Variants in DOK6 observed in about 807,000 individuals in gnomAD.
DOK6 encodes docking protein 6.
In DOK6, 22 loss-of-function variants were observed where a neutral mutation model predicts 44.0. The ratio of observed to expected loss-of-function variants is 0.50; its 90% CI spans 0.36 to 0.71. The LOEUF is 0.71. Ranked by LOEUF, DOK6 falls within the 30% of genes least tolerant of loss-of-function variation. The probability of loss-of-function intolerance (pLI) is 0.00; values close to 1 mark genes in which losing one functional copy is unlikely to be tolerated. For missense variants in DOK6, 340 were observed against 416.4 expected, an observed-to-expected ratio of 0.82 and a Z score of 1.60; for synonymous variants, 166 against 145.5, an observed-to-expected ratio of 1.14 and a Z score of -1.01.
chr18:69,588,408 G>A (rs1297893747), intron 2 of DOK6, among the ~76,000 whole-genome samples: 2 of 152,132 alleles, frequency 1.3e-5, no homozygotes, highest in Non-Finnish European at 2.9e-5. Flanking sequence ...CCTTAGGATT[G>A]CCTCATCCTC....
chr18:69,506,898 C>T (rs866820352), intron 1 of DOK6, among the ~76,000 whole-genome samples: 19 of 151,390 alleles, frequency 1.3e-4, no homozygotes, highest in African/African-American at 4.6e-4. Flanking sequence ...CACATATGTA[C>T]ATATATACAC....
chr18:69,444,279 T>C (rs1375415682), intron 1 of DOK6, among the ~76,000 whole-genome samples: 1 of 152,168 alleles, frequency 6.6e-6, no homozygotes, highest in Non-Finnish European at 1.5e-5. Flanking sequence ...GCAATGTAGC[T>C]AAAGAAACTA....
At chr18:69,828,514 TG>T (rs1483375418) in intron 7 of DOK6, among the ~76,000 whole-genome samples, 15 of 150,858 alleles carry the variant, frequency 9.9e-5, no homozygotes, top group African/African-American at 3.4e-4. Context: ...CAGAAACAAA[TG>T]AATGCTACAT....
At chr18:69,456,528 A>G (rs1979639087) in intron 1 of DOK6, among the ~76,000 whole-genome samples, 1 of 151,990 alleles carries the variant, frequency 6.6e-6, no homozygotes, top group South Asian at 2.1e-4. Context: ...TATGTATCAT[A>G]TTTTCTTTAT....
At chr18:69,784,301 T>C (rs1206613075) in intron 7 of DOK6, among the ~76,000 whole-genome samples, 1 of 152,122 alleles carries the variant, frequency 6.6e-6, no homozygotes, top group Non-Finnish European at 1.5e-5. Context: ...ATAATAATAT[T>C]TGTATTCTAA....
At chr18:69,495,990 A>T (rs1321410791) in intron 1 of DOK6, among the ~76,000 whole-genome samples, 1 of 152,192 alleles carries the variant, frequency 6.6e-6, no homozygotes, top group Non-Finnish European at 1.5e-5. Flanking sequence ...GAAAGCAGAC[A>T]CTTCTGAAAC....
rs188760863 is a variant in DOK6 at position 69,832,392 on chromosome 18, G to A, written c.857-8852G>A. The A allele has an allele frequency of 2.0e-5, 3 of 152,230 alleles. No homozygotes were observed. In the East Asian group the frequency reaches 5.8e-4, roughly 29 times the overall value. The allele number at this position is 152,230 out of a possible 1,614,324, so 9.4% of individuals were successfully genotyped here. A position where few individuals can be genotyped will look rare whatever the true frequency, so the allele number is the denominator to read the frequency against. On this transcript the variant is annotated intron_variant, in intron 7 of 7. Coordinates refer to ENST00000382713, the MANE Select transcript of DOK6 (RefSeq NM_152721.6). ...AGGATGAATCCCACTTGATTAAGGT[G>A]AATGATCTCTTTAATGTGTTGTTTA...
chr18:69,689,982 TTGTG>T (rs1986229864), intron 4 of DOK6, among the ~76,000 whole-genome samples: 1 of 152,142 alleles, frequency 6.6e-6, no homozygotes, highest in African/African-American at 2.4e-5. Context: ...AGTATAATAA[TTGTG>T]TGTGAATATT....
chr18:69,802,208 T>TG (rs1179435554), intron 7 of DOK6, among the ~76,000 whole-genome samples: 1 of 152,140 alleles, frequency 6.6e-6, no homozygotes, highest in Non-Finnish European at 1.5e-5. Context: ...AAATGGTGTG[T>TG]TTTTTCTCCT....
intron 4 of DOK6, among the ~76,000 whole-genome samples, chr18:69,685,588 C>A (rs532626031): frequency 6.6e-6 from 1 of 152,168 alleles, no homozygotes; most frequent in East Asian, 1.9e-4. Flanking sequence ...CTCACCCACA[C>A]CTACAAAGTA....
At chr18:69,799,115 A>T (rs1893959) in intron 7 of DOK6, among the ~76,000 whole-genome samples, 18,992 of 152,012 alleles carry the variant, frequency 0.12, 1,766 homozygotes, top group African/African-American at 0.26. Flanking sequence ...CATTTTTGCT[A>T]TTATTATTAC....
chr18:69,495,126 G>C (rs1980845465), intron 1 of DOK6, among the ~76,000 whole-genome samples: 1 of 152,220 alleles, frequency 6.6e-6, no homozygotes, highest in Admixed American at 6.5e-5. Context: ...GCTGGACCAG[G>C]TTCACCACAG....
chr18:69,825,427 C>CTTTTTTT (rs34656265), intron 7 of DOK6, among the ~76,000 whole-genome samples: 2 of 82,988 alleles, frequency 2.4e-5, no homozygotes, highest in African/African-American at 5.0e-5. Context: ...ATCATAACTT[C>CTTTTTTT]TTTTTTTTTT....
intron 4 of DOK6, 64 bp from the exon 5 acceptor site, chr18:69,698,340 C>A: frequency 7.0e-7 from 1 of 1,425,506 alleles, no homozygotes; most frequent in Non-Finnish European, 9.5e-7. Flanking sequence ...AAATTAATAT[C>A]GTATGGCCAT....
At chr18:69,564,344 G>T (rs961395939) in intron 1 of DOK6, 143 bp from the exon 2 acceptor site, 16 of 659,948 alleles carry the variant, frequency 2.4e-5, no homozygotes. Context: ...TAAAAATACT[G>T]TAATCTTAAT....
At chr18:69,525,871 T>C (rs556817213) in intron 1 of DOK6, among the ~76,000 whole-genome samples, 84 of 152,218 alleles carry the variant, frequency 5.5e-4, no homozygotes, top group African/African-American at 2.0e-3. Context: ...CTACAACTTT[T>C]CTTGACTTTT....
At chr18:69,571,957 G>A (rs969150093) in intron 2 of DOK6, among the ~76,000 whole-genome samples, 8 of 151,924 alleles carry the variant, frequency 5.3e-5, no homozygotes, top group African/African-American at 1.9e-4. Context: ...ACATGACATG[G>A]TCAACAAAGT....
chr18:69,568,745 C>T lies in DOK6; in HGVS notation c.174+4151C>T, dbSNP rs139179487. 1.4e-3 allele frequency among the ~76,000 whole-genome samples: 216 copies of T among 152,230 alleles called. 1 individual carries two copies. Among genetic ancestry groups the T allele is most frequent in the African/African-American group, 5.0e-3 (207 of 41,536 alleles). ...TGGCATTACCACCTGAGCTCCACCT[C>T]CTGTCAGATCGGTGGCAGCATTACA... On this transcript the variant is annotated intron_variant, in intron 2 of 7. Transcript: ENST00000382713.
At chr18:69,559,072 G>A (rs993281300) in intron 1 of DOK6, among the ~76,000 whole-genome samples, 1 of 152,012 alleles carries the variant, frequency 6.6e-6, no homozygotes, top group African/African-American at 2.4e-5. Context: ...CTGTGTGATT[G>A]CCTTTCTTAA....
Sources: gnomAD v4.1 joint callset for allele counts (sites outside exome capture counted in the v4.1 genomes callset) on GRCh38, gnomAD v4.1.1 for gene constraint, MANE v1.5 for transcripts, NCBI Gene and HGNC (gene_info 2026-07-23, HGNC 2026-07-21) for gene names.